LMO7: variants seen among roughly 807,000 people sequenced by gnomAD.
LMO7 encodes LIM domain 7.
Under a neutral mutation model 206.5 loss-of-function variants are expected in LMO7, and 120 were observed. The observed-to-expected ratio is 0.58, with a 90% CI of 0.50 to 0.68. The LOEUF (loss-of-function observed/expected upper bound fraction) is 0.68, where lower values mean the gene tolerates loss of function less well. Among genes scored for constraint, LMO7 ranks in the 30% least tolerant of loss-of-function variants. The pLI is 0.00. For missense variants in LMO7, 1,959 were observed against 1,957.9 expected (o/e 1.00, Z -0.01); for synonymous variants, 706 against 681.5 (o/e 1.04, Z -0.56).
intron 3 of LMO7, among the ~76,000 whole-genome samples, chr13:75,750,564 A>AT (rs1474815214): frequency 1.3e-5 from 2 of 150,804 alleles, no homozygotes; most frequent in African/African-American, 2.4e-5. Context: ...TAATAATTTT[A>AT]TTTTTTTTGG....
intron 3 of LMO7, among the ~76,000 whole-genome samples, chr13:75,728,881 G>C (rs1235097813): frequency 6.9e-6 from 1 of 144,552 alleles, no homozygotes; most frequent in African/African-American, 2.6e-5. Context: ...ATTAAATAGG[G>C]AATCCTTTCC....
rs760549984 is a variant in LMO7 at position 75,800,673 on chromosome 13, G to A, written c.463-11G>A. 32 of 1,612,142 alleles carry A rather than the reference G, an allele frequency of 2.0e-5. No individual in the cohort carries two copies. Among genetic ancestry groups the A allele is most frequent in the Middle Eastern group, 1.7e-4 (1 of 6,056 alleles). Reference sequence around the variant, plus strand: ...TTTAACTTACTATTCTTTAAAAAACGTTTTCTTTAGGCACTCGAAGACTCC... The same window carrying A: ...TTTAACTTACTATTCTTTAAAAAACATTTTCTTTAGGCACTCGAAGACTCC... On this transcript the variant is annotated splice_polypyrimidine_tract_variant and intron_variant, in intron 6 of 30. Transcript: ENST00000377534.
chr13:75,846,063 G>A (rs1030184536), intron 26 of LMO7, among the ~76,000 whole-genome samples: 1 of 151,508 alleles, frequency 6.6e-6, no homozygotes. Flanking sequence ...TGCTGGAGAA[G>A]GCAACCCTCT....
intron 1 of LMO7, among the ~76,000 whole-genome samples, chr13:75,678,327 C>T (rs964778642): frequency 2.6e-5 from 4 of 152,202 alleles, no homozygotes; most frequent in Admixed American, 6.5e-5. Context: ...TTTTAATGAT[C>T]ACCATTCTAA....
chr13:75,624,045 T>C (rs1379261927), intron 2 of LMO7, among the ~76,000 whole-genome samples: 9 of 152,114 alleles, frequency 5.9e-5, no homozygotes, highest in Non-Finnish European at 1.0e-4. Context: ...TTATCAAGAG[T>C]GTACCTCCAG....
intron 3 of LMO7, among the ~76,000 whole-genome samples, chr13:75,731,371 T>C (rs2045196517): frequency 1.3e-5 from 2 of 152,218 alleles, no homozygotes; most frequent in African/African-American, 4.8e-5. Context: ...TTGATCCCTT[T>C]ACCATTATGT....
chr13:75,842,853 C>T lies in LMO7; in HGVS notation c.4034C>T (p.Pro1345Leu). 3 of 1,598,100 alleles carry T rather than the reference C, an allele frequency of 1.9e-6. No homozygotes were observed. In the African/African-American group the frequency reaches 4.0e-5, roughly 21 times the overall value. The change falls in exon 25 of 31, where the codon CCT becomes CTT. Residue 1345 changes from proline to leucine, a missense_variant and splice_region_variant. Transcript: ENST00000377534. ...TSVRIYQYRR[P>L]VDSYDIPKTE... ...CAAAATCTTTTTCTATCTTTTAGGC[C>T]TGTTGATTCCTATGATATACCAAAG...
rs965417640 is a variant in LMO7 at position 75,841,313 on chromosome 13, G to C, written c.3675+112G>C. On this transcript the variant is annotated intron_variant, in intron 23 of 30. Coordinates refer to ENST00000377534, the MANE Select transcript of LMO7 (RefSeq NM_001306080.2). The stretch of plus-strand genomic sequence containing the variant: ...TCCACCTTTGACCATATGTTCACCT[G>C]TGTAGCTCTTTGAAAAATACAATGA... 4.3e-6 allele frequency: 3 copies of C among 695,530 alleles called. No homozygotes were observed. In the African/African-American group the frequency reaches 5.4e-5, roughly 13 times the overall value. 43.1% of individuals were successfully genotyped at this position (695,530 alleles called of 1,614,324 possible).
rs74603027 is a variant in LMO7 at position 75,705,056 on chromosome 13, G to A, written c.70-8126G>A. 5.4e-3 allele frequency among the ~76,000 whole-genome samples: 817 copies of A among 152,298 alleles called. 6 individuals carry two copies. Among genetic ancestry groups the A allele is most frequent in the African/African-American group, 0.019 (786 of 41,576 alleles). ...GGCCACAGGTGGTAAGACAGGTTTGGCAGAGGTGTTGGTGCGGAATATGCC... is the reference window on the plus strand; with the variant it reads ...GGCCACAGGTGGTAAGACAGGTTTGACAGAGGTGTTGGTGCGGAATATGCC... On this transcript the variant is annotated intron_variant, in intron 1 of 30. Transcript: ENST00000377534.
At chr13:75,738,629 T>A (rs2046159732) in intron 3 of LMO7, among the ~76,000 whole-genome samples, 1 of 152,202 alleles carries the variant, frequency 6.6e-6, no homozygotes, top group Non-Finnish European at 1.5e-5. Flanking sequence ...AGTTTGAGTC[T>A]TCCAGAAGAA....
intron 15 of LMO7, among the ~76,000 whole-genome samples, chr13:75,832,362 T>C (rs568290098): frequency 6.6e-6 from 1 of 152,306 alleles, no homozygotes; most frequent in African/African-American, 2.4e-5. Flanking sequence ...CTGATGTCAT[T>C]TTGAAGAAGT....
chr13:75,723,891 G>C (rs2044239746), intron 2 of LMO7, among the ~76,000 whole-genome samples: 1 of 152,146 alleles, frequency 6.6e-6, no homozygotes, highest in South Asian at 2.1e-4. Flanking sequence ...TGGAGGCTGG[G>C]AAGTTCAAGA....
In LMO7 at chr13:75,694,565, G is replaced by T. The variant is rs145033323; in HGVS notation, c.70-18617G>T. On this transcript the variant is annotated intron_variant, in intron 1 of 30. Transcript: ENST00000377534. ...TAGGAGAATGTTGAGTGTCACATCT[G>T]CCAGAGAAGCCTAGAACCAGAGTGG... Among the ~76,000 whole-genome samples the T allele has an allele frequency of 4.3e-3, 657 of 152,306 alleles. 7 individuals are homozygous for T. Among genetic ancestry groups the T allele is most frequent in the African/African-American group, 0.015 (618 of 41,556 alleles).
At chr13:75,666,011 T>C (rs1389568906) in intron 1 of LMO7, among the ~76,000 whole-genome samples, 2 of 152,208 alleles carry the variant, frequency 1.3e-5, no homozygotes, top group Non-Finnish European at 1.5e-5. Flanking sequence ...AAACATAAAG[T>C]ATTAGGATAC....
intron 3 of LMO7, among the ~76,000 whole-genome samples, chr13:75,737,761 AAAAAAT>A (rs1566372007): frequency 2.6e-4 from 11 of 42,254 alleles, no homozygotes; most frequent in African/African-American, 6.7e-4. Flanking sequence ...TCAAAAAAAA[AAAAAAT>A]AAAATAAAAT....
At chr13:75,655,673 A>G (rs1220850169) in intron 1 of LMO7, among the ~76,000 whole-genome samples, 1 of 12,356 alleles carries the variant, frequency 8.1e-5, no homozygotes, top group African/African-American at 2.1e-4. Flanking sequence ...ATATATATAT[A>G]TATATATATA....
At chr13:75,747,282 A>G (rs2046923292) in intron 3 of LMO7, among the ~76,000 whole-genome samples, 1 of 152,126 alleles carries the variant, frequency 6.6e-6, no homozygotes, top group South Asian at 2.1e-4. Flanking sequence ...ATTCTTCTCT[A>G]TATCCAGCTT....
In LMO7 at chr13:75,841,911, G is replaced by T. The variant is rs931185828; in HGVS notation, c.3959G>T (p.Arg1320Leu). The T allele has an allele frequency of 6.2e-7, 1 of 1,613,772 alleles. No individual in the cohort carries two copies. Among genetic ancestry groups the T allele is most frequent in the East Asian group, 2.2e-5 (1 of 44,880 alleles). ...CAGGCTGAGGCTGAGGAGCAGAAGC[G>T]TCCTGCGGAGGAGCAGAAGCGCCAG... Reference protein sequence around the residue: ...RLQAEAEEQKRPAEEQKRQAE... With the variant: ...RLQAEAEEQKLPAEEQKRQAE... The change falls in exon 24 of 31, where the codon CGT (arginine) becomes CTT (leucine). Residue 1320 changes from arginine to leucine, a missense_variant. Physicochemically the swap from Arg to Leu is moderately radical, Grantham distance 102 (BLOSUM62 -2). Transcript: ENST00000377534.
chr13:75,753,875 A>G (rs2047467210), intron 3 of LMO7, among the ~76,000 whole-genome samples: 1 of 152,200 alleles, frequency 6.6e-6, no homozygotes, highest in African/African-American at 2.4e-5. Context: ...AGACATTTAT[A>G]TTTTTAAACA....
Sources: allele counts gnomAD v4.1 joint callset (sites outside exome capture counted in the v4.1 genomes callset), GRCh38; gene constraint gnomAD v4.1.1; transcripts MANE v1.5; gene names NCBI Gene and HGNC (gene_info 2026-07-23, HGNC 2026-07-21).